The following ABCC8 variants were observed in gnomAD, a reference collection of about 807,000 sequenced individuals.
The protein encoded by ABCC8 is ATP binding cassette subfamily C member 8.
In ABCC8, 137 loss-of-function variants were observed where a neutral mutation model predicts 188.0. That is an observed-to-expected ratio of 0.73 (90% CI 0.63 to 0.84). The LOEUF (loss-of-function observed/expected upper bound fraction) is 0.84, where lower values mean the gene tolerates loss of function less well. Ranked by LOEUF, ABCC8 falls within the 40% of genes least tolerant of loss-of-function variation. The pLI is 0.00. For synonymous variants in ABCC8, 797 were observed against 846.5 expected, an observed-to-expected ratio of 0.94 and a Z score of 1.01; for missense variants, 1,750 against 2,072.7, an observed-to-expected ratio of 0.84 and a Z score of 3.02.
chr11:17,392,959 C>T lies in ABCC8; in HGVS notation c.*32G>A, dbSNP rs1213794304. 2.3e-5 allele frequency: 37 copies of T among 1,611,378 alleles called. 1 individual carries two copies. Among genetic ancestry groups the T allele is most frequent in the African/African-American group, 8.0e-5 (6 of 74,860 alleles). ...CCCAGGCAGGGGTATGGGCAGGGTC[C>T]GAATGTGGGATGGCACTTGGGCTCT... On this transcript the variant is annotated 3_prime_UTR_variant, in exon 39 of 39. Coordinates refer to ENST00000389817, the MANE Select transcript of ABCC8 (RefSeq NM_000352.6).
intron 17 of ABCC8, 126 bp from the exon 18 acceptor site, chr11:17,415,465 C>A: frequency 6.5e-7 from 1 of 1,537,720 alleles, no homozygotes; most frequent in Non-Finnish European, 8.8e-7. Context: ...CAGTCTGTAG[C>A]CACAAATGCT....
At chr11:17,403,860 G>A (rs188269245) in intron 28 of ABCC8, among the ~76,000 whole-genome samples, 7 of 152,248 alleles carry the variant, frequency 4.6e-5, no homozygotes, top group African/African-American at 7.2e-5. Flanking sequence ...GCTGTAATTG[G>A]CAGTTTGAGA....
intron 3 of ABCC8, among the ~76,000 whole-genome samples, chr11:17,467,100 G>T (rs1163448978): frequency 7.7e-6 from 1 of 130,254 alleles, no homozygotes; most frequent in African/African-American, 2.8e-5. Flanking sequence ...TCCCATTGCT[G>T]TTGGGATAAA....
chr11:17,395,027 C>T lies in ABCC8; in HGVS notation c.4411+145G>A, dbSNP rs572788464. The T allele has an allele frequency of 4.0e-5, 43 of 1,068,016 alleles. No individual in the cohort carries two copies. The African/African-American group carries it at 4.4e-4, about 11-fold the overall frequency. The allele number at this position is 1,068,016 out of a possible 1,614,324, so 66.2% of individuals were successfully genotyped here. ...AAGACACCTGACCTCTCTGGGCCCC[C>T]GTATAGTGAGAAGTAGGACTAAATG... On this transcript the variant is annotated intron_variant, in intron 36 of 38. Transcript: ENST00000389817.
intron 10 of ABCC8, among the ~76,000 whole-genome samples, chr11:17,438,186 C>A (rs1956180069): frequency 6.6e-6 from 1 of 152,178 alleles, no homozygotes; most frequent in Non-Finnish European, 1.5e-5. Flanking sequence ...TTCTCCACTG[C>A]CTGTTCTGAG....
chr11:17,457,834 A>C (rs144643944), intron 6 of ABCC8, among the ~76,000 whole-genome samples: 299 of 152,310 alleles, frequency 2.0e-3, no homozygotes, highest in Admixed American at 3.3e-3. Context: ...TGATGAATAA[A>C]CCACAGGTGC....
chr11:17,429,851 C>T (rs1955765093), intron 12 of ABCC8: 1 of 152,222 alleles, frequency 6.6e-6, no homozygotes, highest in African/African-American at 2.4e-5. Context: ...GTCAGATACT[C>T]CTTAGAGCAT....
intron 20 of ABCC8, 142 bp from the exon 21 acceptor site, chr11:17,412,888 G>A: frequency 2.7e-6 from 4 of 1,500,532 alleles, no homozygotes; most frequent in East Asian, 4.9e-5. Context: ...CATAGAGAAG[G>A]AACTTGCACG....
At chr11:17,446,162 C>A (rs1397539648) in intron 8 of ABCC8, among the ~76,000 whole-genome samples, 1 of 151,906 alleles carries the variant, frequency 6.6e-6, no homozygotes, top group African/African-American at 2.4e-5. Flanking sequence ...GACGGGGTTT[C>A]ACCATATTGG....
chr11:17,465,315 C>T (rs975221985), intron 3 of ABCC8: 2 of 152,272 alleles, frequency 1.3e-5, no homozygotes, highest in Non-Finnish European at 2.9e-5. Context: ...AAATATGCCT[C>T]ATGCTTGTCT....
At chr11:17,412,143 C>T (rs111391265) in intron 21 of ABCC8, among the ~76,000 whole-genome samples, 3,414 of 152,234 alleles carry the variant, frequency 0.022, 141 homozygotes, top group African/African-American at 0.077. Context: ...CCGCCTGCCT[C>T]GGCCTCCCAA....
rs1955649430 is a variant in ABCC8, at chr11:17,427,778, G to A, written c.2116+89C>T. 1.3e-6 allele frequency: 2 copies of A among 1,510,516 alleles called. No individual in the cohort carries two copies. The highest frequency in any genetic ancestry group is 1.9e-5 in the Admixed American group (1 of 52,226). The allele number at this position is 1,510,516 out of a possible 1,614,324, so 93.6% of individuals were successfully genotyped here. A position where few individuals can be genotyped will look rare whatever the true frequency, so the allele number is the denominator to read the frequency against. ...CACCAAGAATGAGCAGAGAGTAGGT[G>A]CTCAATAAATGCAGCTTTGTCTTTT... On this transcript the variant is annotated intron_variant, in intron 15 of 38. Transcript: ENST00000389817. This position sits in a 1 kb window ranked among gnomAD's most constrained non-coding sequence, Gnocchi z 5.0.
In ABCC8 at chr11:17,453,430, A is replaced by C. The variant is rs76391488; in HGVS notation, c.1012-147T>G. On this transcript the variant is annotated intron_variant, in intron 6 of 38. Transcript: ENST00000389817. ...GGCTTGTGCAATTGTTTATGAGTGAAAAATCAGACTGATAAATCCAACTAA... is the reference window on the plus strand; with the variant it reads ...GGCTTGTGCAATTGTTTATGAGTGACAAATCAGACTGATAAATCCAACTAA... 4,369 of 1,082,700 alleles carry C rather than the reference A, an allele frequency of 4.0e-3. 146 individuals carry two copies. In the African/African-American group the frequency reaches 0.063, roughly 16 times the overall value. 67.1% of individuals were successfully genotyped at this position (1,082,700 alleles called of 1,614,324 possible). A position where few individuals can be genotyped will look rare whatever the true frequency, so the allele number is the denominator to read the frequency against.
At chr11:17,447,065 G>C (rs7932043) in intron 8 of ABCC8, among the ~76,000 whole-genome samples, 1 of 151,988 alleles carries the variant, frequency 6.6e-6, no homozygotes, top group African/African-American at 2.4e-5. Context: ...AGGGTGGGCA[G>C]CCTCCCCATT....
intron 33 of ABCC8, 127 bp downstream of exon 33, chr11:17,396,789 T>C (rs1953951211): frequency 8.2e-7 from 1 of 1,214,020 alleles, no homozygotes; most frequent in Non-Finnish European, 1.2e-6. Context: ...GAGACTGCGA[T>C]GTCTGAATAG....
chr11:17,457,269 C>T (rs540945578), intron 6 of ABCC8, among the ~76,000 whole-genome samples: 5 of 152,276 alleles, frequency 3.3e-5, no homozygotes, highest in Non-Finnish European at 4.4e-5. Flanking sequence ...TAGACACACA[C>T]ACATGCACAC....
rs1272388614 is a variant in ABCC8, at chr11:17,395,658, C to T, written c.4259G>A (p.Arg1420His). Residue 1420 changes from arginine (R) to histidine (H), a missense_variant, in exon 35 of 39, where the codon CGC becomes CAC. Transcript: ENST00000389817. ...AKLPLHTLRS[R>H]LSIILQDPVL... ...GGGGTCCTGCAGGATGATGGAGAGG[C>T]GTGAGCGCAGGGTGTGCAGCGGCAG... The T allele has an allele frequency of 9.6e-6, 15 of 1,560,736 alleles. No individual in the cohort carries two copies. The Admixed American group carries it at 1.7e-4, about 18-fold the overall frequency.
chr11:17,396,889 A>C, intron 33 of ABCC8, 27 bp downstream of exon 33: 1 of 1,612,754 alleles, frequency 6.2e-7, no homozygotes, highest in Non-Finnish European at 8.5e-7. Context: ...CCTGTCCTGC[A>C]GCATTGGGTT....
In ABCC8 at chr11:17,440,211, C is replaced by G. The variant is rs184537922; in HGVS notation, c.1630+2509G>C. Among the ~76,000 whole-genome samples the G allele has an allele frequency of 2.2e-3, 332 of 152,284 alleles. 1 individual carries two copies. Among genetic ancestry groups the G allele is most frequent in the Non-Finnish European group, 3.5e-3 (236 of 68,030 alleles). On this transcript the variant is annotated intron_variant, in intron 10 of 38. Coordinates refer to ENST00000389817, the MANE Select transcript of ABCC8 (RefSeq NM_000352.6). ...CTATCTCAGCAACGACAAGCCTGCT[C>G]TACCCCACCCTGTTGTTCCTGGGAG...
Sources: gnomAD v4.1 joint callset for allele counts (sites outside exome capture counted in the v4.1 genomes callset) on GRCh38, gnomAD v4.1.1 for gene constraint, Gnocchi (gnomAD v3.1) non-coding constraint, MANE v1.5 for transcripts, NCBI Gene and HGNC (gene_info 2026-07-23, HGNC 2026-07-21) for gene names.